The following SLC4A11 variants were observed in gnomAD, a reference collection of about 807,000 sequenced individuals.
The protein encoded by SLC4A11 is solute carrier family 4 member 11.
A neutral mutation model predicts 95.0 loss-of-function variants in SLC4A11; 74 were observed. The ratio of observed to expected loss-of-function variants is 0.78; its 90% confidence interval spans 0.65 to 0.95. The LOEUF (loss-of-function observed/expected upper bound fraction) is 0.95, where lower values mean the gene tolerates loss of function less well. Ranked by LOEUF, SLC4A11 falls within the 40% of genes least tolerant of loss-of-function variation. The pLI is 0.00. For missense variants in SLC4A11, 1,081 were observed against 1,192.4 expected (o/e 0.91, Z 1.38); for synonymous variants, 548 against 519.0 (o/e 1.06, Z -0.76).
intron 12 of SLC4A11, 50 bp from the exon 13 acceptor site, chr20:3,230,310 G>A: frequency 6.2e-7 from 1 of 1,605,582 alleles, no homozygotes; most frequent in Non-Finnish European, 8.5e-7. Context: ...CAGGGGGCAG[G>A]TGGGGGAGGC....
rs62208072 is a variant in SLC4A11, at chr20:3,235,321, A to T, written c.89-427T>A. ...CTCTCTCTCTCTCTCACACACACAC[A>T]CACACACACACACACACACACACAC... is the stretch of plus-strand genomic sequence containing the variant. On this transcript the variant is annotated intron_variant, in intron 2 of 19. Coordinates refer to ENST00000642402, the MANE Select transcript of SLC4A11 (RefSeq NM_001174089.2). 6.5e-3 allele frequency among the ~76,000 whole-genome samples: 600 copies of T among 91,918 alleles called. 3 individuals are homozygous for T. Among genetic ancestry groups the T allele is most frequent in the African/African-American group, 0.016 (528 of 33,196 alleles). 60.3% of individuals were successfully genotyped at this position (91,918 alleles called of 152,430 possible).
chr20:3,229,156 A>G lies in SLC4A11; in HGVS notation c.1957T>C (p.Ser653Pro). 6.2e-7 allele frequency: 1 copy of G among 1,608,052 alleles called. No homozygotes were observed. Residue 653 changes from serine to proline, a missense_variant, in exon 16 of 20, where the codon TCC (serine) becomes CCC (proline). Physicochemically the swap from Ser to Pro is moderately conservative, Grantham distance 74 (BLOSUM62 -1). This residue lies in a region of SLC4A11 where 767 missense variants were observed against 858.0 expected (regional missense o/e 0.89). Coordinates refer to ENST00000642402, the MANE Select transcript of SLC4A11 (RefSeq NM_001174089.2). ...SGAMGLGFLL[S>P]MLFFIEQNLV... is the part of the protein sequence containing the mutation. ...TTCTGCTCGATGAAGAAGAGCATGG[A>G]CAGCAGGAAGCCGAGGCCCATGGCA... is the stretch of plus-strand genomic sequence containing the variant.
intron 14 of SLC4A11, 24 bp downstream of exon 14, chr20:3,229,500 T>C (rs1193381120): frequency 2.5e-6 from 4 of 1,612,112 alleles, no homozygotes. Context: ...ATGCGGCCCC[T>C]CCCCTCCCCA....
chr20:3,238,099 C>A (rs1457374131), intron 1 of SLC4A11: 1 of 1,463,722 alleles, frequency 6.8e-7, no homozygotes, highest in Admixed American at 2.5e-5. Flanking sequence ...CGTCACGCGC[C>A]CCGGGTCACA....
chr20:3,231,081 AGG>A lies in SLC4A11; in HGVS notation c.1043-25_1043-24del. 1 of 1,611,394 alleles carries A rather than the reference AGG, an allele frequency of 6.2e-7. No homozygotes were observed. The highest frequency in any genetic ancestry group is 1.4e-5 in the African/African-American group (1 of 72,554). ...TGCCTAGGAATGGGGGATGGGAGAG[AGG>A]GTTTGCTGGGGATGCAGGACAGGCA... is the stretch of plus-strand genomic sequence containing the variant. On this transcript the variant is annotated intron_variant, in intron 9 of 19. Coordinates refer to ENST00000642402, the MANE Select transcript of SLC4A11 (RefSeq NM_001174089.2). The surrounding 1 kb of genome is among the most constrained non-coding windows in gnomAD (Gnocchi z 5.2).
rs200345104 is a variant in SLC4A11 at position 3,234,276 on chromosome 20, C to T, written c.330G>A (p.Ala110=). Residue 110 remains alanine (A), a synonymous_variant, in exon 5 of 20, where the codon GCG becomes GCA. Transcript: ENST00000642402. This position sits in a 1 kb window ranked among gnomAD's most constrained non-coding sequence, Gnocchi z 5.8. Reference sequence around the variant, plus strand: ...CCAGGAAGCCATCTAGGTCGCGGTGCGCACGGATCTCTTCCTTGAAGTTCT... The same window carrying T: ...CCAGGAAGCCATCTAGGTCGCGGTGTGCACGGATCTCTTCCTTGAAGTTCT... ...KLKNFKEEIR[A]HRDLDGFLAQ... 2.4e-5 allele frequency: 39 copies of T among 1,613,882 alleles called. No individual in the cohort carries two copies. The Middle Eastern group carries it at 8.2e-4, about 34-fold the overall frequency.
Position 3,228,242 on chromosome 20 carries a change from T to C in SLC4A11, c.2558+17A>G. 6.6e-7 allele frequency: 1 copy of C among 1,520,832 alleles called. No individual in the cohort carries two copies. The highest frequency in any genetic ancestry group is 8.9e-7 in the Non-Finnish European group (1 of 1,124,520). The allele number at this position is 1,520,832 out of a possible 1,614,324, so 94.2% of individuals were successfully genotyped here. A position where few individuals can be genotyped will look rare whatever the true frequency, so the allele number is the denominator to read the frequency against. On this transcript the variant is annotated intron_variant, in intron 19 of 19. Coordinates refer to ENST00000642402, the MANE Select transcript of SLC4A11 (RefSeq NM_001174089.2). ...CCTAGACTGGGCCCCTCCTGCCCAC[T>C]GCCCACCCGCCTGTACCGGATGGGG...
upstream of SLC4A11, chr20:3,239,260 G>T (rs979295767): frequency 2.5e-5 from 32 of 1,261,030 alleles, 2 homozygotes; most frequent in South Asian, 6.9e-4. Flanking sequence ...GCCGCGCCTG[G>T]GTCCTAATGC....
chr20:3,228,183 C>T, intron 19 of SLC4A11, 76 bp downstream of exon 19: 4 of 1,466,244 alleles, frequency 2.7e-6, no homozygotes, highest in Admixed American at 2.0e-5. Context: ...GACCCCTCCT[C>T]CCAGCCGCTG....
At chr20:3,236,223 C>T (rs1055933332) in intron 2 of SLC4A11, among the ~76,000 whole-genome samples, 2 of 152,154 alleles carry the variant, frequency 1.3e-5, no homozygotes. Context: ...GGTAGGAAGC[C>T]CTAGTGCCTC....
chr20:3,235,765 A>C (rs1568544857), intron 2 of SLC4A11, among the ~76,000 whole-genome samples: 1 of 151,966 alleles, frequency 6.6e-6, no homozygotes, highest in Non-Finnish European at 1.5e-5. Flanking sequence ...TGCAGCCTAC[A>C]GATCACAGCC....
chr20:3,238,722 T>G, intron 1 of SLC4A11: 2 of 1,041,056 alleles, frequency 1.9e-6, no homozygotes, highest in Non-Finnish European at 2.3e-6. Context: ...AAATGAGACC[T>G]TCCGAGGCGG....
At position 3,227,708 on chromosome 20, in the gene SLC4A11, A is replaced by T; in HGVS notation, c.*79T>A. 2.7e-6 allele frequency: 4 copies of T among 1,484,242 alleles called. No homozygotes were observed. 91.9% of individuals were successfully genotyped at this position (1,484,242 alleles called of 1,614,324 possible). A position where few individuals can be genotyped will look rare whatever the true frequency, so the allele number is the denominator to read the frequency against. On this transcript the variant is annotated 3_prime_UTR_variant, in exon 20 of 20. Coordinates refer to ENST00000642402, the MANE Select transcript of SLC4A11 (RefSeq NM_001174089.2). ...GCACAGAGCAGTCACCCACACACCT[A>T]CACCTCCCCTCACAGCTCCAGAGCC...
Position 3,231,142 on chromosome 20 carries a change from C to T in SLC4A11, c.1042+7G>A. On this transcript the variant is annotated splice_region_variant and intron_variant, in intron 9 of 19. Coordinates refer to ENST00000642402, the MANE Select transcript of SLC4A11 (RefSeq NM_001174089.2). This position sits in a 1 kb window ranked among gnomAD's most constrained non-coding sequence, Gnocchi z 5.2. Reference sequence around the variant, plus strand: ...GGCCCAAGGCCTGGAAAGCAGAGGCCACGTACCATCAGTGAAGTCCAAGGG... The same window carrying T: ...GGCCCAAGGCCTGGAAAGCAGAGGCTACGTACCATCAGTGAAGTCCAAGGG... 6.2e-7 allele frequency: 1 copy of T among 1,614,150 alleles called. No individual in the cohort carries two copies. Among genetic ancestry groups the T allele is most frequent in the African/African-American group, 1.3e-5 (1 of 75,058 alleles).
At position 3,228,446 on chromosome 20, in the gene SLC4A11, C is replaced by A. The variant is rs372558784; in HGVS notation, c.2389-18G>T. 8.9e-5 allele frequency: 143 copies of A among 1,612,896 alleles called. No individual in the cohort carries two copies. The highest frequency in any genetic ancestry group is 1.2e-4 in the Non-Finnish European group (138 of 1,179,922). On this transcript the variant is annotated intron_variant, in intron 18 of 19. Transcript: ENST00000642402. ...TACGCAGTCTGTGGGCGGCAGGGAC[C>A]GGGTGTGGGCAGGCATGGGGCTGTG...
At chr20:3,235,658 AT>A (rs1222855900) in intron 2 of SLC4A11, among the ~76,000 whole-genome samples, 1 of 151,964 alleles carries the variant, frequency 6.6e-6, no homozygotes, top group Admixed American at 6.6e-5. Context: ...TTGGTCCTCA[AT>A]TCCTGCAGCT....
intron 7 of SLC4A11, 35 bp downstream of exon 7, chr20:3,233,479 T>G: frequency 6.2e-7 from 1 of 1,612,070 alleles, no homozygotes; most frequent in African/African-American, 1.3e-5. Flanking sequence ...CCCGGGGCCC[T>G]CCTTCTTCCC....
chr20:3,231,297 C>G lies in SLC4A11; in HGVS notation c.948+33G>C, dbSNP rs1485995545. On this transcript the variant is annotated intron_variant, in intron 8 of 19. Coordinates refer to ENST00000642402, the MANE Select transcript of SLC4A11 (RefSeq NM_001174089.2). The surrounding 1 kb of genome is among the most constrained non-coding windows in gnomAD (Gnocchi z 5.2). ...CCTGTCCGGCCCATGCCCCCGCCGA[C>G]CCTGCCGGCCCCCGCCGGCCTCTAC... The G allele has an allele frequency of 3.7e-6, 6 of 1,613,320 alleles. No homozygotes were observed. Among genetic ancestry groups the G allele is most frequent in the Non-Finnish European group, 5.1e-6 (6 of 1,179,960 alleles).
In SLC4A11 at chr20:3,228,613, T is replaced by C; in HGVS notation, c.2287A>G (p.Ile763Val). The C allele has an allele frequency of 6.2e-7, 1 of 1,613,242 alleles. No individual in the cohort carries two copies. Among genetic ancestry groups the C allele is most frequent in the Non-Finnish European group, 8.5e-7 (1 of 1,179,934 alleles). The change falls in exon 18 of 20, where the codon ATC becomes GTC. Residue 763 changes from isoleucine to valine, a missense_variant. Physicochemically the swap from Ile to Val is conservative, Grantham distance 29. Transcript: ENST00000642402. Reference protein sequence around the residue: ...LLLLPVPLQWIPKPVLYGLFL... With the variant: ...LLLLPVPLQWVPKPVLYGLFL... ...AGGCCATAGAGCACGGGCTTGGGGA[T>C]CCACTGAAGCGGGACCGGCAGCAGC...
Sources: gnomAD v4.1 joint callset for allele counts (sites outside exome capture counted in the v4.1 genomes callset) on GRCh38, gnomAD v4.1.1 for gene constraint, gnomAD v4.1.1 regional missense constraint, Gnocchi (gnomAD v3.1) non-coding constraint, MANE v1.5 for transcripts, NCBI Gene and HGNC (gene_info 2026-07-23, HGNC 2026-07-21) for gene names.